Variants in FARS2 observed in about 807,000 individuals in gnomAD.
FARS2 encodes the protein phenylalanine--tRNA ligase, mitochondrial.
FARS2 carries 40 observed loss-of-function variants against 46.4 expected under a neutral mutation model. That is an observed-to-expected ratio of 0.86 (90% CI 0.67 to 1.12). FARS2 has a LOEUF of 1.12. Among genes scored for constraint, FARS2 ranks in the 50% most tolerant of loss-of-function variants. The probability of loss-of-function intolerance (pLI) is 0.00; values close to 1 mark genes in which losing one functional copy is unlikely to be tolerated. For synonymous variants in FARS2, 234 were observed against 214.9 expected (o/e 1.09, Z -0.78); for missense variants, 513 against 567.9 (o/e 0.90, Z 0.98).
intron 6 of FARS2, among the ~76,000 whole-genome samples, chr6:5,753,196 A>G (rs147609386): frequency 1.2e-3 from 177 of 152,312 alleles, no homozygotes; most frequent in African/African-American, 4.2e-3. Flanking sequence ...TGTTGTGTGA[A>G]AACATTATGA....
At chr6:5,457,855 GA>G (rs1764989016) in intron 4 of FARS2, 1 of 152,202 alleles carries the variant, frequency 6.6e-6, no homozygotes, top group African/African-American at 2.4e-5. Flanking sequence ...TGTAATATTA[GA>G]AAGCTTCCAG....
chr6:5,254,461 A>C, the FARS2 span, among the ~76,000 whole-genome samples: 35 of 152,346 alleles, frequency 2.3e-4, no homozygotes, highest in Non-Finnish European at 4.3e-4. Context: ...TTGATTAATA[A>C]AGATATATTT....
intron 4 of FARS2, among the ~76,000 whole-genome samples, chr6:5,465,082 A>C (rs927236362): frequency 1.3e-5 from 2 of 152,158 alleles, no homozygotes; most frequent in African/African-American, 4.8e-5. Context: ...CATTTCTTGG[A>C]GGCATTTTAA....
intron 5 of FARS2, among the ~76,000 whole-genome samples, chr6:5,548,805 A>G (rs376831922): frequency 4.6e-4 from 70 of 152,318 alleles, no homozygotes; most frequent in African/African-American, 1.6e-3. Context: ...GAAAGCCAAT[A>G]TATGCATACC....
Position 5,368,753 on chromosome 6 carries a change from C to G in FARS2, c.183C>G (p.Asp61Glu), listed in dbSNP as rs73718082. ...TGCTGGGCAAATCCTACCCTCAGGA[C>G]GACCACAGCAACCTCACCCGGAAGG... ...VELLGKSYPQ[D>E]DHSNLTRKVL... Residue 61 changes from aspartate (D) to glutamate (E), a missense_variant, in exon 2 of 7, where the codon GAC becomes GAG. Physicochemically the swap from Asp to Glu is conservative, Grantham distance 45. Coordinates refer to ENST00000274680, the MANE Select transcript of FARS2 (RefSeq NM_006567.5). The G allele has an allele frequency of 1.2e-6, 2 of 1,613,984 alleles. No homozygotes were observed. The highest frequency in any genetic ancestry group is 1.7e-6 in the Non-Finnish European group (2 of 1,180,026).
chr6:5,670,533 A>G (rs1051854494), intron 6 of FARS2, among the ~76,000 whole-genome samples: 1 of 152,230 alleles, frequency 6.6e-6, no homozygotes. Context: ...GAATTTTTTA[A>G]TGGCAAGATG....
chr6:5,659,472 A>C (rs565808611), intron 6 of FARS2, among the ~76,000 whole-genome samples: 1 of 152,294 alleles, frequency 6.6e-6, no homozygotes, highest in Admixed American at 6.5e-5. Flanking sequence ...AATTATCTTT[A>C]ATTCTTAGCC....
intron 2 of FARS2, among the ~76,000 whole-genome samples, chr6:5,379,397 T>C (rs1422612216): frequency 2.0e-5 from 3 of 152,154 alleles, no homozygotes; most frequent in Non-Finnish European, 4.4e-5. Context: ...GAAAGCATAA[T>C]GTAAAGAATT....
chr6:5,770,001 C>G (rs1446404783), intron 6 of FARS2, among the ~76,000 whole-genome samples: 1 of 152,184 alleles, frequency 6.6e-6, no homozygotes, highest in African/African-American at 2.4e-5. Flanking sequence ...CCAAGGCAGA[C>G]TCTCATGCAC....
intron 4 of FARS2, among the ~76,000 whole-genome samples, chr6:5,453,389 A>C (rs1487031455): frequency 3.3e-5 from 5 of 152,236 alleles, no homozygotes; most frequent in Admixed American, 3.3e-4. Context: ...AACATAATTA[A>C]TTAATACTAT....
At chr6:5,744,049 G>A (rs1761503487) in intron 6 of FARS2, among the ~76,000 whole-genome samples, 1 of 152,208 alleles carries the variant, frequency 6.6e-6, no homozygotes, top group African/African-American at 2.4e-5. Context: ...CTTCCTGTGA[G>A]ACAGGATTGG....
intron 4 of FARS2, among the ~76,000 whole-genome samples, chr6:5,520,924 G>T (rs545406337): frequency 3.6e-4 from 55 of 152,086 alleles, no homozygotes; most frequent in Non-Finnish European, 5.4e-4. Flanking sequence ...TGAAATGATG[G>T]ATTTGGATGC....
intron 4 of FARS2, chr6:5,452,501 G>GCAGT (rs1764556074): frequency 6.6e-6 from 1 of 152,288 alleles, no homozygotes; most frequent in Non-Finnish European, 1.5e-5. Context: ...GGGACCCTGG[G>GCAGT]CAGTCCTCAT....
At chr6:5,381,120 C>T (rs1334667300) in intron 2 of FARS2, among the ~76,000 whole-genome samples, 1 of 151,746 alleles carries the variant, frequency 6.6e-6, no homozygotes, top group African/African-American at 2.4e-5. Flanking sequence ...CCTGCCTCAG[C>T]CTCCTGAGTA....
At position 5,543,663 on chromosome 6, in the gene FARS2, GT is replaced by G. The variant is rs1770772199; in HGVS notation, c.905-1511del. On this transcript the variant is annotated intron_variant, in intron 4 of 6. Transcript: ENST00000274680. ...GGCGTGAGCCACCGCTCCTGGCCAA[GT>G]TTTTTATGTTTTAGGAAAACATTAA... Among the ~76,000 whole-genome samples, 6 of 152,152 alleles carry G rather than the reference GT, an allele frequency of 3.9e-5. No individual in the cohort carries two copies. In the South Asian group the frequency reaches 1.2e-3, roughly 32 times the overall value.
chr6:5,373,528 GAAAT>G (rs1371438393), intron 2 of FARS2, among the ~76,000 whole-genome samples: 1 of 152,128 alleles, frequency 6.6e-6, no homozygotes, highest in Non-Finnish European at 1.5e-5. Flanking sequence ...TCTGCAGAAT[GAAAT>G]AAATAGAGGA....
intron 1 of FARS2, among the ~76,000 whole-genome samples, chr6:5,265,869 C>G (rs576421977): frequency 6.6e-6 from 1 of 152,270 alleles, no homozygotes; most frequent in South Asian, 2.1e-4. Context: ...ATCCCTGATG[C>G]TTGGGCCACA....
intron 6 of FARS2, among the ~76,000 whole-genome samples, chr6:5,721,711 T>G (rs1369686575): frequency 2.0e-5 from 3 of 152,254 alleles, no homozygotes; most frequent in Non-Finnish European, 4.4e-5. Context: ...TTTTCCAACG[T>G]TGACAATTTT....
At chr6:5,514,398 G>A (rs1416184097) in intron 4 of FARS2, among the ~76,000 whole-genome samples, 1 of 152,168 alleles carries the variant, frequency 6.6e-6, no homozygotes, top group Non-Finnish European at 1.5e-5. Flanking sequence ...ATTGGGACTT[G>A]CCTAATTGCA....
Sources: gnomAD v4.1 joint callset for allele counts (sites outside exome capture counted in the v4.1 genomes callset) on GRCh38, gnomAD v4.1.1 for gene constraint, MANE v1.5 for transcripts, NCBI Gene and HGNC (gene_info 2026-07-23, HGNC 2026-07-21) for gene names.